The following CNOT6L variants were observed in gnomAD, a reference collection of about 807,000 sequenced individuals.
CNOT6L encodes CCR4-NOT transcription complex subunit 6-like.
In CNOT6L, 7 loss-of-function variants were observed where a neutral mutation model predicts 64.0. The ratio of observed to expected loss-of-function variants is 0.11; its 90% CI spans 0.06 to 0.21. The LOEUF (loss-of-function observed/expected upper bound fraction) is 0.21. Among genes scored for constraint, CNOT6L ranks in the 10% least tolerant of loss-of-function variants. The pLI, the probability that CNOT6L is intolerant of heterozygous loss-of-function variation, is 1.00. For synonymous variants in CNOT6L, 193 were observed against 243.4 expected, an observed-to-expected ratio of 0.79 and a Z score of 1.93; for missense variants, 245 against 669.0, an observed-to-expected ratio of 0.37 and a Z score of 6.99.
At chr4:77,750,547 G>A (rs1724746956) in intron 5 of CNOT6L, among the ~76,000 whole-genome samples, 1 of 151,984 alleles carries the variant, frequency 6.6e-6, no homozygotes, top group Non-Finnish European at 1.5e-5. Context: ...TAGAGACGTG[G>A]TTTCACCATG....
intron 1 of CNOT6L, among the ~76,000 whole-genome samples, chr4:77,787,050 G>T (rs1729532279): frequency 6.6e-6 from 1 of 151,934 alleles, no homozygotes. Context: ...CGGATCACCT[G>T]AGGTCAGGAG....
rs1361101160 is a variant in CNOT6L at position 77,719,816 on chromosome 4, G to GT, written c.*614dup. 6.6e-6 allele frequency: 1 copy of GT among 152,576 alleles called. No individual in the cohort carries two copies. The highest frequency in any genetic ancestry group is 1.5e-5 in the Non-Finnish European group (1 of 68,034). 9.5% of individuals were successfully genotyped at this position (152,576 alleles called of 1,614,324 possible). A position where few individuals can be genotyped will look rare whatever the true frequency, so the allele number is the denominator to read the frequency against. On this transcript the variant is annotated 3_prime_UTR_variant, in exon 12 of 12. Transcript: ENST00000504123. The stretch of plus-strand genomic sequence containing the variant: ...CATTTGGCCAACAAATTGTCATGTG[G>GT]TGTTACATGCTGGATTATAAAAGTA...
At chr4:77,759,509 G>A (rs955687897) in intron 4 of CNOT6L, among the ~76,000 whole-genome samples, 1 of 151,722 alleles carries the variant, frequency 6.6e-6, no homozygotes, top group Non-Finnish European at 1.5e-5. Context: ...AGCTTGCAGT[G>A]AGCCGAGATT....
At chr4:77,804,013 C>CA (rs535413837) in intron 1 of CNOT6L, among the ~76,000 whole-genome samples, 2 of 152,252 alleles carry the variant, frequency 1.3e-5, no homozygotes, top group Non-Finnish European at 2.9e-5. Flanking sequence ...TATGACCCAG[C>CA]AATTCCACTC....
intron 1 of CNOT6L, among the ~76,000 whole-genome samples, chr4:77,798,878 C>A (rs1423720634): frequency 1.3e-5 from 2 of 150,830 alleles, no homozygotes; most frequent in African/African-American, 4.9e-5. Context: ...GCTACTAAGG[C>A]AGCCGAGGTA....
At chr4:77,735,425 T>C (rs778415472) in intron 8 of CNOT6L, among the ~76,000 whole-genome samples, 12 of 152,218 alleles carry the variant, frequency 7.9e-5, no homozygotes, top group Non-Finnish European at 1.6e-4. Flanking sequence ...AAAAGTTTGA[T>C]AGTTCATCCA....
At chr4:77,779,533 T>G (rs1158509026) in intron 1 of CNOT6L, among the ~76,000 whole-genome samples, 1 of 152,078 alleles carries the variant, frequency 6.6e-6, no homozygotes. Context: ...ATTAAAATTA[T>G]GAAATCTCTT....
chr4:77,781,909 C>G (rs2110082719), intron 1 of CNOT6L, among the ~76,000 whole-genome samples: 1 of 152,274 alleles, frequency 6.6e-6, no homozygotes, highest in African/African-American at 2.4e-5. Context: ...AATCAGACTG[C>G]TAACTCAATG....
chr4:77,719,231 C>T lies in CNOT6L; in HGVS notation c.*1200G>A, dbSNP rs371258035. 1 of 152,560 alleles carries T rather than the reference C, an allele frequency of 6.6e-6. No individual in the cohort carries two copies. The highest frequency in any genetic ancestry group is 2.4e-5 in the African/African-American group (1 of 41,440). 9.5% of individuals were successfully genotyped at this position (152,560 alleles called of 1,614,324 possible). A position where few individuals can be genotyped will look rare whatever the true frequency, so the allele number is the denominator to read the frequency against. On this transcript the variant is annotated 3_prime_UTR_variant, in exon 12 of 12. Transcript: ENST00000504123. ...AAGATTCCAACATACCTAAAGGCAT[C>T]AACAATTGGGAATAAACCAGTAGCT...
intron 8 of CNOT6L, among the ~76,000 whole-genome samples, chr4:77,739,127 A>G (rs1355688901): frequency 3.3e-5 from 5 of 152,178 alleles, no homozygotes; most frequent in Non-Finnish European, 7.4e-5. Flanking sequence ...ACAATACTCT[A>G]TCCTTTCATC....
intron 1 of CNOT6L, among the ~76,000 whole-genome samples, chr4:77,803,644 C>T (rs1314393595): frequency 6.6e-6 from 1 of 152,118 alleles, no homozygotes; most frequent in East Asian, 1.9e-4. Context: ...TTGCTCATGC[C>T]TATAATCCCA....
At position 77,759,521 on chromosome 4, in the gene CNOT6L, C is replaced by T. The variant is rs536448726; in HGVS notation, c.401-2570G>A. On this transcript the variant is annotated intron_variant, in intron 4 of 11. Coordinates refer to ENST00000504123, the MANE Select transcript of CNOT6L (RefSeq NM_144571.3). The stretch of plus-strand genomic sequence containing the variant: ...CAGAGCTTGCAGTGAGCCGAGATTG[C>T]GCCACTGCACTCCAGCCTGGGCGAC... Among the ~76,000 whole-genome samples, 322 of 151,434 alleles carry T rather than the reference C, an allele frequency of 2.1e-3. 2 individuals carry two copies. The highest frequency in any genetic ancestry group is 0.017 in the Middle Eastern group (5 of 292).
chr4:77,740,370 C>A (rs918440204), intron 8 of CNOT6L, among the ~76,000 whole-genome samples: 4 of 151,772 alleles, frequency 2.6e-5, no homozygotes, highest in Non-Finnish European at 4.4e-5. Flanking sequence ...ACTCTGAGAC[C>A]CTGTCTAAAA....
At chr4:77,779,758 G>C (rs1033476080) in intron 1 of CNOT6L, among the ~76,000 whole-genome samples, 1 of 152,100 alleles carries the variant, frequency 6.6e-6, no homozygotes, top group Non-Finnish European at 1.5e-5. Flanking sequence ...TCAGGAGATC[G>C]AGACCATCCT....
intron 4 of CNOT6L, among the ~76,000 whole-genome samples, chr4:77,766,044 G>GTA (rs750565988): frequency 3.3e-5 from 5 of 152,102 alleles, no homozygotes; most frequent in Non-Finnish European, 5.9e-5. Context: ...CCATGAACCA[G>GTA]TAACTGCCTA....
Position 77,754,888 on chromosome 4 carries a change from T to TAAAAAAAAAAAAAAAAAAAAAAAAA in CNOT6L, c.490+1949_490+1973dup. Among the ~76,000 whole-genome samples, 99 of 36,934 alleles carry TAAAAAAAAAAAAAAAAAAAAAAAAA rather than the reference T, an allele frequency of 2.7e-3. 19 individuals are homozygous for TAAAAAAAAAAAAAAAAAAAAAAAAA. Among genetic ancestry groups the TAAAAAAAAAAAAAAAAAAAAAAAAA allele is most frequent in the Middle Eastern group, 0.025 (1 of 40 alleles). The allele number at this position is 36,934 out of a possible 152,430, so 24.2% of individuals were successfully genotyped here. A position where few individuals can be genotyped will look rare whatever the true frequency, so the allele number is the denominator to read the frequency against. On this transcript the variant is annotated intron_variant, in intron 5 of 11. Transcript: ENST00000504123. ...AAAACCTAATTCTAAACATTAGAAG[T>TAAAAAAAAAAAAAAAAAAAAAAAAA]AAAAAAAAAAAAAAAAAAAAAAAAA...
At chr4:77,726,132 A>G in intron 11 of CNOT6L, 35 bp downstream of exon 11, 1 of 1,576,002 alleles carries the variant, frequency 6.3e-7, no homozygotes, top group East Asian at 2.2e-5. Flanking sequence ...TGTATCTGAA[A>G]TAATTTCTAC....
chr4:77,800,347 A>AT (rs920723265), intron 1 of CNOT6L, among the ~76,000 whole-genome samples: 8 of 150,134 alleles, frequency 5.3e-5, no homozygotes, highest in Admixed American at 6.7e-5. Flanking sequence ...ACCAAAAAAA[A>AT]TTTTTTTTTT....
At chr4:77,765,287 C>T (rs1034596733) in intron 4 of CNOT6L, among the ~76,000 whole-genome samples, 5 of 152,120 alleles carry the variant, frequency 3.3e-5, no homozygotes, top group African/African-American at 1.2e-4. Context: ...TAAAAATGGG[C>T]AACCAGTGCC....
Sources: gnomAD v4.1 joint callset for allele counts (sites outside exome capture counted in the v4.1 genomes callset) on GRCh38, gnomAD v4.1.1 for gene constraint, MANE v1.5 for transcripts, NCBI Gene and HGNC (gene_info 2026-07-23, HGNC 2026-07-21) for gene names.